The following FYB2 variants were observed in gnomAD, a reference collection of about 807,000 sequenced individuals.
The protein encoded by FYB2 is FYN binding protein 2.
A neutral mutation model predicts 94.1 loss-of-function variants in FYB2; 103 were observed. The ratio of observed to expected loss-of-function variants is 1.09; its 90% CI spans 0.93 to 1.29. The LOEUF is 1.29. FYB2 is among the 50% of genes most tolerant of loss of function. The probability of loss-of-function intolerance (pLI) is 0.00; values close to 1 mark genes in which losing one functional copy is unlikely to be tolerated. For synonymous variants in FYB2, 293 were observed against 287.9 expected, an observed-to-expected ratio of 1.02 and a Z score of -0.18; for missense variants, 896 against 841.5, an observed-to-expected ratio of 1.06 and a Z score of -0.80.
At position 56,720,214 on chromosome 1, in the gene FYB2, G is replaced by T; in HGVS notation, c.2090C>A (p.Thr697Asn). The T allele has an allele frequency of 6.2e-7, 1 of 1,611,632 alleles. No homozygotes were observed. The highest frequency in any genetic ancestry group is 8.5e-7 in the Non-Finnish European group (1 of 1,178,908). ...PGEELEVIDT[T>N]EQNLVICRNS... is the part of the protein sequence containing the mutation. ...ACGACATATCACTAGATTTTGTTCG[G>T]TGGTATCAATGACTTCCAATTCTTC... The change falls in exon 18 of 20, where the codon ACC (threonine) becomes AAC (asparagine). Residue 697 changes from threonine (T) to asparagine (N), a missense_variant. Coordinates refer to ENST00000343433, the MANE Select transcript of FYB2 (RefSeq NM_001004303.5).
chr1:56,768,164 T>TA (rs1315140159), intron 4 of FYB2, among the ~76,000 whole-genome samples: 1 of 151,976 alleles, frequency 6.6e-6, no homozygotes, highest in African/African-American at 2.4e-5. Context: ...CAGAAATCAA[T>TA]AAAGCAAAAT....
rs2100636320 is a variant in FYB2, at chr1:56,744,187, C to T, written c.1467G>A (p.Glu489=). The change falls in exon 10 of 20, where the codon GAG becomes GAA. Residue 489 remains glutamate (E), a synonymous_variant. Transcript: ENST00000343433. The part of the protein sequence containing the change: ...GVSKTSSISE[E]IYDDVEYSRK... ...TGGAGTACTCGACATCATCATATAT[C>T]TCCTCCGAGATGGAACTTGTCTTAG... 2 of 1,612,754 alleles carry T rather than the reference C, an allele frequency of 1.2e-6. No homozygotes were observed. Among genetic ancestry groups the T allele is most frequent in the Non-Finnish European group, 1.7e-6 (2 of 1,179,278 alleles).
chr1:56,772,096 G>A (rs1645771846), intron 4 of FYB2, among the ~76,000 whole-genome samples: 1 of 151,990 alleles, frequency 6.6e-6, no homozygotes, highest in Admixed American at 6.6e-5. Context: ...CCTTCATAAA[G>A]TAATCAAGAG....
chr1:56,800,058 G>A (rs1191534576), intron 1 of FYB2, among the ~76,000 whole-genome samples: 1 of 152,180 alleles, frequency 6.6e-6, no homozygotes, highest in Non-Finnish European at 1.5e-5. Flanking sequence ...AGAAACAATG[G>A]CAACGTCAAC....
In FYB2 at chr1:56,776,735, G is replaced by A. The variant is rs147804627; in HGVS notation, c.954-8797C>T. ...GTGGTAGGCTTTTAAATAGGAGCCT[G>A]GTCTCCTGACTGCCTGTTCTGCCAC... On this transcript the variant is annotated intron_variant, in intron 4 of 19. Coordinates refer to ENST00000343433, the MANE Select transcript of FYB2 (RefSeq NM_001004303.5). Among the ~76,000 whole-genome samples, 1,444 of 152,220 alleles carry A rather than the reference G, an allele frequency of 9.5e-3. 16 individuals carry two copies. The highest frequency in any genetic ancestry group is 0.013 in the Non-Finnish European group (882 of 68,008).
chr1:56,747,589 ATTC>A (rs1645098564), intron 9 of FYB2, among the ~76,000 whole-genome samples: 1 of 151,982 alleles, frequency 6.6e-6, no homozygotes, highest in Non-Finnish European at 1.5e-5. Flanking sequence ...ACATGAACTC[ATTC>A]TTTTTTATGG....
At chr1:56,729,573 T>C (rs1350263604) in intron 15 of FYB2, among the ~76,000 whole-genome samples, 1 of 152,072 alleles carries the variant, frequency 6.6e-6, no homozygotes, top group Non-Finnish European at 1.5e-5. Flanking sequence ...ACAATAATAG[T>C]TGGGAGACTT....
chr1:56,726,728 TAATA>T, intron 15 of FYB2, 145 bp from the exon 16 acceptor site: 1 of 688,176 alleles, frequency 1.5e-6, no homozygotes, highest in Non-Finnish European at 2.3e-6. Context: ...AAAGGCCATA[TAATA>T]AATATTTTAG....
chr1:56,742,245 T>G, intron 11 of FYB2, 24 bp from the exon 12 acceptor site: 1 of 1,501,950 alleles, frequency 6.7e-7, no homozygotes, highest in Non-Finnish European at 9.2e-7. Context: ...AAAACCCTAC[T>G]TATATTCATT....
chr1:56,759,489 C>T (rs1429283908), intron 5 of FYB2, among the ~76,000 whole-genome samples: 1 of 152,100 alleles, frequency 6.6e-6, no homozygotes, highest in Non-Finnish European at 1.5e-5. Context: ...AATTGTAACA[C>T]AGTTATAGAT....
At chr1:56,766,441 CT>C (rs1299175628) in intron 5 of FYB2, among the ~76,000 whole-genome samples, 4 of 147,546 alleles carry the variant, frequency 2.7e-5, no homozygotes, top group Non-Finnish European at 3.0e-5. Context: ...CTTTTTTTTT[CT>C]TTTTTTTTTG....
intron 4 of FYB2, among the ~76,000 whole-genome samples, chr1:56,781,295 A>G (rs1569746): frequency 0.3 from 45,627 of 152,080 alleles, 7,908 homozygotes; most frequent in Non-Finnish European, 0.39. Flanking sequence ...AATATCAACA[A>G]TGATGGGAAC....
At chr1:56,725,085 A>G (rs1644557821) in intron 16 of FYB2, among the ~76,000 whole-genome samples, 1 of 151,996 alleles carries the variant, frequency 6.6e-6, no homozygotes, top group Admixed American at 6.6e-5. Context: ...CCATGAGTAG[A>G]AGCAGCCTGA....
At chr1:56,772,086 C>A (rs1645771547) in intron 4 of FYB2, among the ~76,000 whole-genome samples, 1 of 152,064 alleles carries the variant, frequency 6.6e-6, no homozygotes, top group African/African-American at 2.4e-5. Flanking sequence ...TTCCCCTCCC[C>A]CTTCATAAAG....
At chr1:56,802,062 C>T (rs1046969380) in intron 1 of FYB2, among the ~76,000 whole-genome samples, 8 of 152,050 alleles carry the variant, frequency 5.3e-5, no homozygotes, top group Admixed American at 6.6e-5. Context: ...CAATGGGGAG[C>T]CTCTAAAAGT....
At chr1:56,823,966 C>T (rs1647008311), upstream of FYB2, 1 of 152,206 alleles carries the variant, frequency 6.6e-6, no homozygotes, top group Non-Finnish European at 1.5e-5. Context: ...GTTCCATCAT[C>T]CAGAAAAGTG....
Position 56,719,602 on chromosome 1 carries a change from G to GT in FYB2, c.*68dup. On this transcript the variant is annotated 3_prime_UTR_variant, in exon 20 of 20. Transcript: ENST00000343433. ...TTTTGACATGTAAACTGAAACTGAT[G>GT]TAACGCAGGACTAGGATCTTAGGAC... is the stretch of plus-strand genomic sequence containing the variant. The GT allele has an allele frequency of 7.3e-7, 1 of 1,364,750 alleles. No individual in the cohort carries two copies. The highest frequency in any genetic ancestry group is 1.0e-6 in the Non-Finnish European group (1 of 994,212). 84.5% of individuals were successfully genotyped at this position (1,364,750 alleles called of 1,614,324 possible).
intron 1 of FYB2, among the ~76,000 whole-genome samples, chr1:56,799,437 T>C (rs1646471254): frequency 6.6e-6 from 1 of 152,180 alleles, no homozygotes; most frequent in Non-Finnish European, 1.5e-5. Context: ...GAAGCCAATT[T>C]GCATTGGCTT....
Position 56,819,331 on chromosome 1 carries a change from T to C in FYB2, c.-41A>G. ...CAGAGTCAGGGAAACAAGCCCAGCCTCTCAGAGCTGGGTCCTGGGGCCAAC... is the reference window on the plus strand; with the variant it reads ...CAGAGTCAGGGAAACAAGCCCAGCCCCTCAGAGCTGGGTCCTGGGGCCAAC... On this transcript the variant is annotated 5_prime_UTR_variant, in exon 1 of 20. Transcript: ENST00000343433. 6.2e-7 allele frequency: 1 copy of C among 1,613,624 alleles called. No homozygotes were observed. Among genetic ancestry groups the C allele is most frequent in the Non-Finnish European group, 8.5e-7 (1 of 1,179,688 alleles).
Sources: gnomAD v4.1 joint callset for allele counts (sites outside exome capture counted in the v4.1 genomes callset) on GRCh38, gnomAD v4.1.1 for gene constraint, MANE v1.5 for transcripts, NCBI Gene and HGNC (gene_info 2026-07-23, HGNC 2026-07-21) for gene names.